The following SNX8 variants were observed in gnomAD, a reference collection of about 807,000 sequenced individuals.
SNX8 encodes sorting nexin 8.
A neutral mutation model predicts 51.6 loss-of-function variants in SNX8; 25 were observed. The observed-to-expected ratio is 0.48, with a 90% CI of 0.35 to 0.68. The LOEUF is 0.68. Ranked by LOEUF, SNX8 falls within the 30% of genes least tolerant of loss-of-function variation. The pLI is 0.00. For missense variants in SNX8, 695 were observed against 624.0 expected (o/e 1.11, Z -1.21); for synonymous variants, 324 against 277.0 (o/e 1.17, Z -1.68).
At chr7:2,318,947 G>C (rs1278342362), upstream of SNX8, among the ~76,000 whole-genome samples, 2 of 152,100 alleles carry the variant, frequency 1.3e-5, no homozygotes, top group African/African-American at 2.4e-5. Context: ...TGTCAAGGCT[G>C]TGGTGAGCTG....
In SNX8 at chr7:2,257,514, C is replaced by T; in HGVS notation, c.985G>A (p.Asp329Asn). 1.2e-6 allele frequency: 2 copies of T among 1,601,840 alleles called. No homozygotes were observed. Among genetic ancestry groups the T allele is most frequent in the Non-Finnish European group, 1.7e-6 (2 of 1,177,520 alleles). ...LFLDLLQSYK[D>N]LCERHEKGVL... The stretch of plus-strand genomic sequence containing the variant: ...CCCTTCTCATGCCGCTCGCACAGGT[C>T]CTGCGGGGCCGGGGGAGGCATTCGC... The change falls in exon 9 of 11, where the codon GAC (aspartate) becomes AAC (asparagine). Residue 329 changes from aspartate (D) to asparagine (N), a missense_variant and splice_region_variant. Asp to Asn is a conservative substitution (Grantham distance 23). Coordinates refer to ENST00000222990, the MANE Select transcript of SNX8 (RefSeq NM_013321.4).
intron 4 of SNX8, among the ~76,000 whole-genome samples, chr7:2,271,059 T>C (rs1199986167): frequency 6.6e-6 from 1 of 152,206 alleles, no homozygotes; most frequent in East Asian, 1.9e-4. Flanking sequence ...TTTTTGTTTT[T>C]TTGAGACAGG....
chr7:2,330,874 C>T (rs1409889125), intron 1 of SNX8, among the ~76,000 whole-genome samples: 1 of 151,986 alleles, frequency 6.6e-6, no homozygotes, highest in Non-Finnish European at 1.5e-5. Context: ...AAATCATAAC[C>T]AATATAATAT....
chr7:2,288,622 C>T (rs1796085377), intron 1 of SNX8, among the ~76,000 whole-genome samples: 1 of 152,144 alleles, frequency 6.6e-6, no homozygotes, highest in African/African-American at 2.4e-5. Flanking sequence ...AGGGCCATCG[C>T]ACCCAGAGAA....
At chr7:2,309,543 C>A (rs931882687) in intron 1 of SNX8, among the ~76,000 whole-genome samples, 5 of 152,044 alleles carry the variant, frequency 3.3e-5, no homozygotes, top group African/African-American at 1.2e-4. Context: ...ACCAGCCTGA[C>A]CAACATGGAG....
intron 1 of SNX8, among the ~76,000 whole-genome samples, chr7:2,353,086 G>A (rs1162259176): frequency 6.6e-6 from 1 of 152,182 alleles, no homozygotes; most frequent in African/African-American, 2.4e-5. Context: ...TTGAGGCCAG[G>A]AGTTTGAGAC....
chr7:2,310,349 C>G (rs554588583), intron 1 of SNX8, among the ~76,000 whole-genome samples: 2 of 152,266 alleles, frequency 1.3e-5, no homozygotes, highest in East Asian at 3.9e-4. Context: ...TCCAGCCAGG[C>G]TCGGTGCCTC....
intron 1 of SNX8, chr7:2,354,088 G>C (rs766989975): frequency 6.6e-6 from 1 of 152,426 alleles, no homozygotes; most frequent in Non-Finnish European, 1.5e-5. Flanking sequence ...GCCCCCACGT[G>C]ACCCGCGCTG....
chr7:2,301,715 C>T (rs571116936), intron 1 of SNX8, among the ~76,000 whole-genome samples: 2 of 152,220 alleles, frequency 1.3e-5, no homozygotes, highest in African/African-American at 4.8e-5. Flanking sequence ...CACTGGCAGG[C>T]GTGTCTTATG....
At chr7:2,345,965 T>C (rs1401191863) in intron 1 of SNX8, among the ~76,000 whole-genome samples, 2 of 151,510 alleles carry the variant, frequency 1.3e-5, no homozygotes, top group African/African-American at 4.8e-5. Flanking sequence ...CCACCACCAC[T>C]CCCAGCTAAT....
In SNX8 at chr7:2,254,777, C is replaced by A; in HGVS notation, c.*279G>T. 4 of 509,410 alleles carry A rather than the reference C, an allele frequency of 7.9e-6. No individual in the cohort carries two copies. The South Asian group carries it at 8.7e-5, about 11-fold the overall frequency. 31.6% of individuals were successfully genotyped at this position (509,410 alleles called of 1,614,324 possible). On this transcript the variant is annotated 3_prime_UTR_variant, in exon 11 of 11. Transcript: ENST00000222990. Reference sequence around the variant, plus strand: ...CTGTGAGATGAGAGATCCCTGCCTCCCCGCACAGCTCTGGGTGTCAGGAGG... The same window carrying A: ...CTGTGAGATGAGAGATCCCTGCCTCACCGCACAGCTCTGGGTGTCAGGAGG...
Position 2,278,240 on chromosome 7 carries a change from T to C in SNX8, c.160A>G (p.Met54Val). 6.2e-7 allele frequency: 1 copy of C among 1,611,310 alleles called. No individual in the cohort carries two copies. The highest frequency in any genetic ancestry group is 8.5e-7 in the Non-Finnish European group (1 of 1,178,086). Residue 54 changes from methionine (M) to valine (V), a missense_variant, in exon 2 of 11, where the codon ATG becomes GTG. Physicochemically the swap from Met to Val is conservative, Grantham distance 21. Transcript: ENST00000222990. Reference sequence around the variant, plus strand: ...AGCGGGTTCCCCTGCGGCATCTGCATTCGACTGGGGGCTGGGACCTGCTGC... The same window carrying C: ...AGCGGGTTCCCCTGCGGCATCTGCACTCGACTGGGGGCTGGGACCTGCTGC... ...IVQQVPAPSR[M>V]QMPQGNPLLL... is the part of the protein sequence containing the mutation.
intron 1 of SNX8, among the ~76,000 whole-genome samples, chr7:2,293,874 T>A: frequency 6.6e-6 from 1 of 150,900 alleles, no homozygotes; most frequent in Admixed American, 6.6e-5. Context: ...GAGGCAGAAC[T>A]GCTTGAACTG....
intron 1 of SNX8, among the ~76,000 whole-genome samples, chr7:2,349,970 G>A (rs141111679): frequency 9.1e-4 from 139 of 152,110 alleles, no homozygotes; most frequent in African/African-American, 3.2e-3. Context: ...GGCTACACCC[G>A]GAGCCACCCC....
At chr7:2,295,678 T>C (rs1796258953) in intron 1 of SNX8, among the ~76,000 whole-genome samples, 1 of 151,834 alleles carries the variant, frequency 6.6e-6, no homozygotes, top group South Asian at 2.1e-4. Context: ...TTGGCCTATG[T>C]CCGGAAGAGT....
chr7:2,281,768 C>T (rs932740363), intron 1 of SNX8, among the ~76,000 whole-genome samples: 1 of 152,186 alleles, frequency 6.6e-6, no homozygotes, highest in Non-Finnish European at 1.5e-5. Context: ...ATCCAGCCTC[C>T]ATCATTTCCT....
chr7:2,262,953 A>C (rs1191411884), intron 7 of SNX8, among the ~76,000 whole-genome samples: 1 of 152,230 alleles, frequency 6.6e-6, no homozygotes, highest in Non-Finnish European at 1.5e-5. Flanking sequence ...CCTCATCTCT[A>C]CTAAAAATAC....
chr7:2,254,517 G>T lies in SNX8; in HGVS notation c.*539C>A. On this transcript the variant is annotated 3_prime_UTR_variant, in exon 11 of 11. Coordinates refer to ENST00000222990, the MANE Select transcript of SNX8 (RefSeq NM_013321.4). ...GGCCACTCCCAGACCAGGGCTCCAG[G>T]TGTTGACTGCAGCAATTTCCCTAGA... is the stretch of plus-strand genomic sequence containing the variant. The T allele has an allele frequency of 5.9e-6, 1 of 169,084 alleles. No homozygotes were observed. The highest frequency in any genetic ancestry group is 1.3e-5 in the Non-Finnish European group (1 of 77,374). The allele number at this position is 169,084 out of a possible 1,614,324, so 10.5% of individuals were successfully genotyped here. A position where few individuals can be genotyped will look rare whatever the true frequency, so the allele number is the denominator to read the frequency against.
At chr7:2,351,920 T>TG (rs1779151215) in intron 1 of SNX8, among the ~76,000 whole-genome samples, 1 of 147,400 alleles carries the variant, frequency 6.8e-6, no homozygotes, top group Admixed American at 6.7e-5. Flanking sequence ...TTTTTTTTTT[T>TG]TTTTTTGAGA....
Sources: gnomAD v4.1 joint callset for allele counts (sites outside exome capture counted in the v4.1 genomes callset) on GRCh38, gnomAD v4.1.1 for gene constraint, MANE v1.5 for transcripts, NCBI Gene and HGNC (gene_info 2026-07-23, HGNC 2026-07-21) for gene names.